POC1B: variants seen among roughly 807,000 people sequenced by gnomAD.
POC1B encodes the protein POC1 centriolar protein B, also known as POC1 centriolar protein homolog B.
In POC1B, 44 loss-of-function variants were observed where a neutral mutation model predicts 60.6. The ratio of observed to expected loss-of-function variants is 0.73; its 90% CI spans 0.57 to 0.93. The LOEUF (loss-of-function observed/expected upper bound fraction) is 0.93, where lower values mean the gene tolerates loss of function less well. Ranked by LOEUF, POC1B falls within the 40% of genes least tolerant of loss-of-function variation. The pLI, the probability that POC1B is intolerant of heterozygous loss-of-function variation, is 0.00. For synonymous variants in POC1B, 180 were observed against 198.9 expected (o/e 0.90, Z 0.80); for missense variants, 555 against 572.3 (o/e 0.97, Z 0.31).
intron 10 of POC1B, among the ~76,000 whole-genome samples, chr12:89,438,102 C>A (rs1881353402): frequency 6.6e-6 from 1 of 151,752 alleles, no homozygotes; most frequent in South Asian, 2.1e-4. Flanking sequence ...CTTTTCTCAC[C>A]CTTCCCTCTA....
At chr12:89,434,954 C>T (rs1845141) in intron 10 of POC1B, among the ~76,000 whole-genome samples, 114,238 of 151,940 alleles carry the variant, frequency 0.75, 43,031 homozygotes, top group Middle Eastern at 0.81. Flanking sequence ...AATATTTTTT[C>T]TAAAAAAACT....
At chr12:89,502,795 C>T (rs976392842) in intron 2 of POC1B, 159 of 1,305,868 alleles carry the variant, frequency 1.2e-4, no homozygotes, top group Middle Eastern at 4.7e-4. Flanking sequence ...TTTATGTTAA[C>T]TTTGGTGACC....
intron 2 of POC1B, chr12:89,522,682 G>T: frequency 8.2e-7 from 1 of 1,223,566 alleles, no homozygotes; most frequent in Non-Finnish European, 1.1e-6. Context: ...ATGAACCCCA[G>T]CTTTCCAGTG....
At chr12:89,405,684 G>A in the POC1B span, among the ~76,000 whole-genome samples, 2 of 152,080 alleles carry the variant, frequency 1.3e-5, no homozygotes, top group Non-Finnish European at 2.9e-5. Context: ...GGGCCGGGGC[G>A]GTGGCTCACA....
chr12:89,496,693 CTT>C (rs1869265923), intron 3 of POC1B, among the ~76,000 whole-genome samples: 1 of 152,134 alleles, frequency 6.6e-6, no homozygotes, highest in Non-Finnish European at 1.5e-5. Flanking sequence ...ACGATTTAAA[CTT>C]TTGTCAGAAA....
intron 10 of POC1B, chr12:89,429,443 A>G (rs1880931212): frequency 6.6e-6 from 1 of 152,172 alleles, no homozygotes; most frequent in South Asian, 2.1e-4. Context: ...TTAAAAAGGT[A>G]CAAAGGGAAA....
At chr12:89,427,192 T>A (rs959214730) in intron 10 of POC1B, 1 of 152,180 alleles carries the variant, frequency 6.6e-6, no homozygotes, top group African/African-American at 2.4e-5. Context: ...GACATAAGAA[T>A]AGACATATAA....
At chr12:89,490,819 C>T (rs1868926221) in intron 4 of POC1B, among the ~76,000 whole-genome samples, 1 of 152,188 alleles carries the variant, frequency 6.6e-6, no homozygotes, top group South Asian at 2.1e-4. Flanking sequence ...TTTGCTGCGT[C>T]AAATCTGATG....
At chr12:89,409,602 A>G in the POC1B span, among the ~76,000 whole-genome samples, 2 of 152,240 alleles carry the variant, frequency 1.3e-5, no homozygotes, top group Admixed American at 6.5e-5. Flanking sequence ...AATAGACACA[A>G]TAAAAAATGA....
Position 89,525,196 on chromosome 12 carries a change from G to T in POC1B, c.24C>A (p.Pro8=), listed in dbSNP as rs137879315. The change falls in exon 2 of 12, where the codon CCC becomes CCA. Residue 8 remains proline, a synonymous_variant. Transcript: ENST00000313546. ...GGCCTTTGAAATAACGCTCCAGAAC[G>T]GGGTCCTCCTGGAAAGGAAAGTTGT... The part of the protein sequence containing the change: MASATED[P]VLERYFKGHK... 6.2e-7 allele frequency: 1 copy of T among 1,608,710 alleles called. No homozygotes were observed. The highest frequency in any genetic ancestry group is 8.5e-7 in the Non-Finnish European group (1 of 1,177,658).
At chr12:89,472,526 A>C (rs1882939887) in intron 4 of POC1B, 1 of 323,688 alleles carries the variant, frequency 3.1e-6, no homozygotes, top group African/African-American at 2.2e-5. Context: ...TTTTATTAAA[A>C]TAATTTTGGT....
chr12:89,453,767 G>A (rs1196066565), intron 10 of POC1B, among the ~76,000 whole-genome samples: 2 of 152,104 alleles, frequency 1.3e-5, no homozygotes, highest in Non-Finnish European at 2.9e-5. Context: ...AAATAACTCT[G>A]AACTAGTTAC....
rs1301930670 is a variant in POC1B at position 89,503,755 on chromosome 12, CCGCCCGG to C, written c.101-6420_101-6414del. Among the ~76,000 whole-genome samples the C allele has an allele frequency of 3.1e-5, 4 of 128,198 alleles. No homozygotes were observed. In the East Asian group the frequency reaches 9.8e-4, roughly 31 times the overall value. 84.1% of individuals were successfully genotyped at this position (128,198 alleles called of 152,430 possible). A position where few individuals can be genotyped will look rare whatever the true frequency, so the allele number is the denominator to read the frequency against. On this transcript the variant is annotated intron_variant, in intron 2 of 11. Coordinates refer to ENST00000313546, the MANE Select transcript of POC1B (RefSeq NM_172240.3). ...CCCGTCTGAGAAGTGAGGAGCCCCT[CCGCCCGG>C]CAGCCGCCCCATCTGAGAAGTGAGG...
chr12:89,503,994 CGCCTCTGCCCGGCCGCCG>C (rs1336358008), intron 2 of POC1B, among the ~76,000 whole-genome samples: 15 of 150,600 alleles, frequency 1.0e-4, no homozygotes, highest in African/African-American at 2.9e-4. Context: ...AGGTGGGGGG[CGCCTCTGCCCGGCCGCCG>C]CCCCATCCAG....
the POC1B span, among the ~76,000 whole-genome samples, chr12:89,412,350 CTTTTTTCT>C: frequency 1.7e-5 from 2 of 116,142 alleles, no homozygotes; most frequent in Non-Finnish European, 4.0e-5. Context: ...TTCTTTGTTT[CTTTTTTCT>C]TTTTTTTTTT....
At chr12:89,423,222 T>C (rs1422507331) in intron 11 of POC1B, among the ~76,000 whole-genome samples, 1 of 152,176 alleles carries the variant, frequency 6.6e-6, no homozygotes. Context: ...TCTTAGCATT[T>C]TGGGAGGCCG....
chr12:89,409,056 C>T, the POC1B span, among the ~76,000 whole-genome samples: 1 of 152,146 alleles, frequency 6.6e-6, no homozygotes, highest in Non-Finnish European at 1.5e-5. Flanking sequence ...AAAACTTTCT[C>T]CCATTCTGTA....
intron 7 of POC1B, among the ~76,000 whole-genome samples, chr12:89,468,983 G>A (rs1461862193): frequency 6.6e-6 from 1 of 152,120 alleles, no homozygotes; most frequent in African/African-American, 2.4e-5. Context: ...AATTTATCTA[G>A]GCTGGGCACA....
rs532798543 is a variant in POC1B, at chr12:89,506,505, G to A, written c.101-9163C>T. 1.8e-4 allele frequency among the ~76,000 whole-genome samples: 28 copies of A among 152,286 alleles called. No individual in the cohort carries two copies. In the South Asian group the frequency reaches 5.6e-3, roughly 30 times the overall value. On this transcript the variant is annotated intron_variant, in intron 2 of 11. Coordinates refer to ENST00000313546, the MANE Select transcript of POC1B (RefSeq NM_172240.3). Reference sequence around the variant, plus strand: ...ACACTTAACGTTCAGATAAGGAAGAGCAAAGGAAGGAGCCACAAACGAAGT... The same window carrying A: ...ACACTTAACGTTCAGATAAGGAAGAACAAAGGAAGGAGCCACAAACGAAGT...
Sources: allele counts gnomAD v4.1 joint callset (sites outside exome capture counted in the v4.1 genomes callset), GRCh38; gene constraint gnomAD v4.1.1; transcripts MANE v1.5; gene names NCBI Gene and HGNC (gene_info 2026-07-23, HGNC 2026-07-21).